MADD: variants seen among roughly 807,000 people sequenced by gnomAD.
MADD encodes the protein MAP kinase activating death domain.
A neutral mutation model predicts 176.7 loss-of-function variants in MADD; 109 were observed. The observed-to-expected ratio is 0.62, with a 90% CI of 0.53 to 0.72. MADD has a LOEUF of 0.72. Ranked by LOEUF, MADD falls within the 30% of genes least tolerant of loss-of-function variation. The pLI, the probability that MADD is intolerant of heterozygous loss-of-function variation, is 0.00. For synonymous variants in MADD, 771 were observed against 771.3 expected (o/e 1.00, Z 0.01); for missense variants, 1,914 against 2,045.5 (o/e 0.94, Z 1.24).
intron 10 of MADD, 149 bp from the exon 11 acceptor site, chr11:47,284,029 G>A (rs1236957965): frequency 1.6e-6 from 1 of 631,448 alleles, no homozygotes. Flanking sequence ...TTTATGCTTT[G>A]GTTGACTGTT....
At chr11:47,291,687 A>G (rs1329361886) in intron 19 of MADD, among the ~76,000 whole-genome samples, 1 of 152,174 alleles carries the variant, frequency 6.6e-6, no homozygotes, top group Non-Finnish European at 1.5e-5. Context: ...TGTTGTAGAA[A>G]ATGTACTGAC....
chr11:47,296,288 G>T lies in MADD; in HGVS notation c.3642+233G>T, dbSNP rs903622608. On this transcript the variant is annotated intron_variant, in intron 22 of 32. Coordinates refer to ENST00000402192, the Ensembl canonical transcript of MADD. ...CTGAATCATTGATGAGTTAGGCTCC[G>T]TGCCCAGTCACGTAAGGGCTTTGAA... Among the ~76,000 whole-genome samples the T allele has an allele frequency of 3.3e-5, 5 of 152,106 alleles. No individual in the cohort carries two copies. In the East Asian group the frequency reaches 9.6e-4, roughly 29 times the overall value.
At chr11:47,274,009 A>G (rs539975524) in intron 2 of MADD, 33 bp downstream of exon 2, 3 of 1,594,766 alleles carry the variant, frequency 1.9e-6, no homozygotes, top group Admixed American at 1.7e-5. Flanking sequence ...TTGTCTTAAT[A>G]TCTGGGATAG....
chr11:47,326,023 G>T (rs916408520), intron 30 of MADD, among the ~76,000 whole-genome samples: 1 of 152,220 alleles, frequency 6.6e-6, no homozygotes, highest in African/African-American at 2.4e-5. Context: ...GTGCAGTCTG[G>T]GGTAAATGGG....
At position 47,296,768 on chromosome 11, in the gene MADD, T is replaced by G. The variant is rs190738110; in HGVS notation, c.3642+713T>G. 5.4e-3 allele frequency among the ~76,000 whole-genome samples: 804 copies of G among 148,764 alleles called. 5 individuals are homozygous for G. Among genetic ancestry groups the G allele is most frequent in the Admixed American group, 9.7e-3 (145 of 15,014 alleles). On this transcript the variant is annotated intron_variant, in intron 22 of 32. Transcript: ENST00000402192. ...CGTAGACATCTGTTTTTTGTTGTTT[T>G]TTTTTTTTTTTTTTTTTACACAGGG...
intron 19 of MADD, among the ~76,000 whole-genome samples, chr11:47,291,281 C>A (rs755532057): frequency 6.6e-6 from 1 of 152,156 alleles, no homozygotes; most frequent in Non-Finnish European, 1.5e-5. Context: ...CCTGGCAACC[C>A]CATTTCCCTG....
chr11:47,289,662 T>G (rs912766289), intron 16 of MADD, among the ~76,000 whole-genome samples, 169 bp downstream of exon 17: 1 of 152,156 alleles, frequency 6.6e-6, no homozygotes, highest in South Asian at 2.1e-4. Context: ...AACTGAAAGC[T>G]TACAGTGTTG....
chr11:47,328,342 A>T, intron 31 of MADD: 1 of 1,287,130 alleles, frequency 7.8e-7, no homozygotes, highest in South Asian at 1.7e-5. Flanking sequence ...AGTAGCTGTG[A>T]CCAGGCTGGT....
At chr11:47,286,781 C>A (rs943041680) in intron 15 of MADD, among the ~76,000 whole-genome samples, 8 of 152,180 alleles carry the variant, frequency 5.3e-5, no homozygotes, top group African/African-American at 1.9e-4. Flanking sequence ...TGCTGCTTCG[C>A]GGGAGGACCC....
At chr11:47,281,678 T>G (rs1294072336) in exon 8 of MADD, 2 of 1,613,648 alleles carry the variant, frequency 1.2e-6, no homozygotes, top group East Asian at 4.5e-5. Context: ...TCTAATGACC[T>G]GCAGTCCACA....
chr11:47,285,452 G>T (rs751730956), exon 14 of MADD: 21 of 1,614,084 alleles, frequency 1.3e-5, no homozygotes, highest in Non-Finnish European at 1.8e-5. Context: ...GCATTCAAGG[G>T]CTCAAAAGCT....
At chr11:47,309,595 T>G (rs778899447) in exon 25 of MADD, 4 of 1,613,108 alleles carry the variant, frequency 2.5e-6, no homozygotes, top group South Asian at 2.2e-5. Context: ...CCTCATCTCC[T>G]ACATGCTGCT....
At chr11:47,281,922 C>T (rs576615654) in intron 8 of MADD, among the ~76,000 whole-genome samples, 169 bp downstream of exon 8, 1 of 140,024 alleles carries the variant, frequency 7.1e-6, no homozygotes, top group Non-Finnish European at 1.5e-5. Context: ...GCAACTTCCA[C>T]CTCCCGGGTT....
chr11:47,319,686 T>C (rs1356781629), intron 27 of MADD, among the ~76,000 whole-genome samples: 1 of 152,190 alleles, frequency 6.6e-6, no homozygotes, highest in Non-Finnish European at 1.5e-5. Context: ...ACGAAAGTGG[T>C]ATCAAATTAC....
intron 30 of MADD, 48 bp downstream of exon 33, chr11:47,324,625 A>G (rs1227671419): frequency 7.6e-7 from 1 of 1,324,346 alleles, no homozygotes. Context: ...CATCTGTAAG[A>G]AGGACCAATG....
At chr11:47,310,709 C>G (rs2087946251) in intron 25 of MADD, among the ~76,000 whole-genome samples, 1 of 622 alleles carries the variant, frequency 1.6e-3, no homozygotes, top group Non-Finnish European at 0.029. Context: ...AGTTCGAGAC[C>G]AGCCTTGACC....
chr11:47,329,133 C>T (rs770319218), exon 33 of MADD: 16 of 1,613,862 alleles, frequency 9.9e-6, no homozygotes, highest in African/African-American at 2.7e-5. Flanking sequence ...AACCCCGCCC[C>T]GGCCTGTCTC....
At chr11:47,278,746 A>G (rs2053119001) in intron 6 of MADD, among the ~76,000 whole-genome samples, 1 of 152,252 alleles carries the variant, frequency 6.6e-6, no homozygotes, top group Non-Finnish European at 1.5e-5. Flanking sequence ...AAATAAGCGT[A>G]AATAAAATAA....
chr11:47,318,403 G>A (rs1486623991), intron 27 of MADD, among the ~76,000 whole-genome samples: 1 of 152,190 alleles, frequency 6.6e-6, no homozygotes, highest in African/African-American at 2.4e-5. Context: ...AGCCAAGAAG[G>A]AGTCATTTTC....
Sources: allele counts gnomAD v4.1 joint callset (sites outside exome capture counted in the v4.1 genomes callset), GRCh38; gene constraint gnomAD v4.1.1; transcripts MANE v1.5; gene names NCBI Gene and HGNC (gene_info 2026-07-23, HGNC 2026-07-21).